FAM168A: variants seen among roughly 807,000 people sequenced by gnomAD.
The protein encoded by FAM168A is protein FAM168A.
Under a neutral mutation model 28.5 loss-of-function variants are expected in FAM168A, and 3 were observed. The observed-to-expected ratio is 0.11, with a 90% CI of 0.05 to 0.27. The LOEUF is 0.27. FAM168A is among the 10% of genes least tolerant of loss of function. FAM168A has a pLI of 1.00. For synonymous variants in FAM168A, 122 were observed against 124.2 expected (o/e 0.98, Z 0.12); for missense variants, 222 against 311.5 (o/e 0.71, Z 2.16).
intron 1 of FAM168A, among the ~76,000 whole-genome samples, chr11:73,579,184 C>T (rs1196455788): frequency 6.6e-6 from 1 of 152,144 alleles, no homozygotes. Flanking sequence ...AAACATCACA[C>T]TGAGGATTAG....
At chr11:73,570,566 A>G (rs1944074153) in intron 1 of FAM168A, among the ~76,000 whole-genome samples, 1 of 151,950 alleles carries the variant, frequency 6.6e-6, no homozygotes, top group Non-Finnish European at 1.5e-5. Context: ...ACATGGTGAA[A>G]CCCCACCTCT....
chr11:73,500,206 G>A (rs1462595085), intron 1 of FAM168A, among the ~76,000 whole-genome samples: 2 of 151,962 alleles, frequency 1.3e-5, no homozygotes, highest in Non-Finnish European at 2.9e-5. Flanking sequence ...GAAGAGATTG[G>A]GGGCCAATAT....
intron 1 of FAM168A, among the ~76,000 whole-genome samples, chr11:73,556,244 G>A (rs1943887964): frequency 6.6e-6 from 1 of 151,892 alleles, no homozygotes; most frequent in Non-Finnish European, 1.5e-5. Flanking sequence ...AGCTGGTTGG[G>A]AGGCTGAGGC....
chr11:73,468,226 G>C (rs1305949587), intron 2 of FAM168A, among the ~76,000 whole-genome samples, 179 bp downstream of exon 2: 1 of 152,168 alleles, frequency 6.6e-6, no homozygotes, highest in African/African-American at 2.4e-5. Context: ...GAACAAAGTT[G>C]GGAAACAACC....
At chr11:73,564,833 C>A in intron 1 of FAM168A, among the ~76,000 whole-genome samples, 1 of 149,730 alleles carries the variant, frequency 6.7e-6, no homozygotes, top group Admixed American at 6.7e-5. Flanking sequence ...GCCATACAGC[C>A]AATACTTAAA....
intron 1 of FAM168A, among the ~76,000 whole-genome samples, chr11:73,483,424 G>A (rs1454867602): frequency 3.3e-5 from 5 of 152,136 alleles, no homozygotes; most frequent in African/African-American, 1.2e-4. Flanking sequence ...CTATAAAACA[G>A]AAATACTACC....
intron 1 of FAM168A, among the ~76,000 whole-genome samples, chr11:73,562,630 C>A (rs1943972889): frequency 6.6e-6 from 1 of 152,084 alleles, no homozygotes; most frequent in African/African-American, 2.4e-5. Context: ...AGATCAAGAT[C>A]AACCTGGCCA....
In FAM168A at chr11:73,445,462, G is replaced by A. The variant is rs1489698287; in HGVS notation, c.71-14692C>T. Reference sequence around the variant, plus strand: ...TTTTTTTTTTTTTGGTAGAGACAGGGTCTCAATATGTTACCCAGGCTGGTC... The same window carrying A: ...TTTTTTTTTTTTTGGTAGAGACAGGATCTCAATATGTTACCCAGGCTGGTC... On this transcript the variant is annotated intron_variant, in intron 2 of 7. Transcript: ENST00000356467. Among the ~76,000 whole-genome samples, 3 of 101,512 alleles carry A rather than the reference G, an allele frequency of 3.0e-5. No individual in the cohort carries two copies. In the South Asian group the frequency reaches 8.9e-4, roughly 30 times the overall value. 66.6% of individuals were successfully genotyped at this position (101,512 alleles called of 152,430 possible).
chr11:73,466,477 T>C (rs1038695038), intron 2 of FAM168A, among the ~76,000 whole-genome samples: 3 of 152,200 alleles, frequency 2.0e-5, no homozygotes, highest in African/African-American at 7.2e-5. Context: ...ATAAAAACTA[T>C]AGCATTTATG....
intron 2 of FAM168A, among the ~76,000 whole-genome samples, chr11:73,432,187 C>A (rs560931326): frequency 4.7e-4 from 71 of 152,276 alleles, no homozygotes; most frequent in African/African-American, 1.7e-3. Flanking sequence ...GAGGGACGCC[C>A]AGGTTGTTTC....
At chr11:73,527,040 G>T (rs1943456366) in intron 1 of FAM168A, among the ~76,000 whole-genome samples, 1 of 152,038 alleles carries the variant, frequency 6.6e-6, no homozygotes, top group East Asian at 1.9e-4. Flanking sequence ...GCCCTCCTTT[G>T]TGGTTTGGTA....
intron 1 of FAM168A, among the ~76,000 whole-genome samples, chr11:73,517,785 T>C (rs2134646561): frequency 6.6e-6 from 1 of 152,346 alleles, no homozygotes; most frequent in Admixed American, 6.5e-5. Context: ...CGAAGGCAGA[T>C]ACTGTAGCTT....
intron 1 of FAM168A, among the ~76,000 whole-genome samples, chr11:73,499,359 C>A (rs898667345): frequency 1.3e-5 from 2 of 152,054 alleles, no homozygotes; most frequent in Non-Finnish European, 2.9e-5. Context: ...CCACAAAAAC[C>A]CCATCCAAGA....
At chr11:73,478,772 C>A (rs989892963) in intron 1 of FAM168A, among the ~76,000 whole-genome samples, 11 of 152,088 alleles carry the variant, frequency 7.2e-5, no homozygotes, top group African/African-American at 2.7e-4. Context: ...TCAGGGGTAA[C>A]AAGGCACAAT....
At chr11:73,433,335 G>A (rs1227544358) in intron 2 of FAM168A, among the ~76,000 whole-genome samples, 1 of 150,114 alleles carries the variant, frequency 6.7e-6, no homozygotes, top group African/African-American at 2.5e-5. Context: ...TCTGTGGATT[G>A]TCTTTTTACT....
At chr11:73,438,750 A>G (rs1406893385) in intron 2 of FAM168A, among the ~76,000 whole-genome samples, 2 of 152,220 alleles carry the variant, frequency 1.3e-5, no homozygotes, top group Non-Finnish European at 2.9e-5. Flanking sequence ...CACGATAGTA[A>G]GTCACTACAG....
chr11:73,420,088 C>G, intron 3 of FAM168A, 89 bp from the exon 4 acceptor site: 1 of 1,506,908 alleles, frequency 6.6e-7, no homozygotes, highest in Non-Finnish European at 9.0e-7. Context: ...TTGTGCTGGA[C>G]AGAAACATAC....
chr11:73,422,079 G>T (rs571663676), intron 3 of FAM168A, among the ~76,000 whole-genome samples: 2 of 152,174 alleles, frequency 1.3e-5, no homozygotes, highest in African/African-American at 4.8e-5. Context: ...GGAGCGCCAC[G>T]GTGGAAGGGA....
intron 7 of FAM168A, 85 bp downstream of exon 7, chr11:73,407,428 C>G (rs767169185): frequency 1.0e-5 from 9 of 874,062 alleles, no homozygotes; most frequent in Non-Finnish European, 1.5e-5. Flanking sequence ...CTAGCTGACA[C>G]CTGTGCTCCA....
Sources: gnomAD v4.1 joint callset for allele counts (sites outside exome capture counted in the v4.1 genomes callset) on GRCh38, gnomAD v4.1.1 for gene constraint, MANE v1.5 for transcripts, NCBI Gene and HGNC (gene_info 2026-07-23, HGNC 2026-07-21) for gene names.